Variants in FAM53B observed in about 807,000 individuals in gnomAD.
FAM53B encodes family with sequence similarity 53 member B, also known as protein FAM53B.
Under a neutral mutation model 32.7 loss-of-function variants are expected in FAM53B, and 12 were observed. That is an observed-to-expected ratio of 0.37 (90% CI 0.24 to 0.59). The LOEUF is 0.59. Ranked by LOEUF, FAM53B falls within the 20% of genes least tolerant of loss-of-function variation. The probability of loss-of-function intolerance (pLI) is 0.72; values close to 1 mark genes in which losing one functional copy is unlikely to be tolerated. For missense variants in FAM53B, 477 were observed against 577.7 expected, an observed-to-expected ratio of 0.83 and a Z score of 1.79; for synonymous variants, 234 against 228.7, an observed-to-expected ratio of 1.02 and a Z score of -0.21.
chr10:124,726,609 G>A (rs965032577), intron 1 of FAM53B, among the ~76,000 whole-genome samples: 5 of 152,230 alleles, frequency 3.3e-5, no homozygotes, highest in South Asian at 2.1e-4. Flanking sequence ...CCCAAAGGTT[G>A]ACTATGCGGT....
In FAM53B at chr10:124,623,461, G is replaced by A. The variant is rs150965015; in HGVS notation, c.1050C>T (p.Pro350=). 6.3e-4 allele frequency: 993 copies of A among 1,588,458 alleles called. 5 individuals are homozygous for A. In the East Asian group the frequency reaches 0.013, roughly 20 times the overall value. Residue 350 remains proline (P), a synonymous_variant, in exon 5 of 5, where the codon CCC becomes CCT. Transcript: ENST00000337318. The stretch of plus-strand genomic sequence containing the variant: ...GAGGCTCAGGGACCGGGGTCCCAGC[G>A]GGGGTCCTGCCCCCTGGGCCGGAGG... The part of the protein sequence containing the change: ...LSASGPGGRT[P]AGTPVPEPLP...
At chr10:124,718,683 A>T (rs1242027571) in intron 1 of FAM53B, among the ~76,000 whole-genome samples, 1 of 152,284 alleles carries the variant, frequency 6.6e-6, no homozygotes, top group Admixed American at 6.5e-5. Context: ...AACAACAGCC[A>T]TCTGTCTATT....
intron 1 of FAM53B, among the ~76,000 whole-genome samples, chr10:124,709,196 A>G (rs1949982805): frequency 6.6e-6 from 1 of 152,262 alleles, no homozygotes; most frequent in African/African-American, 2.4e-5. Context: ...TTCCATTAAC[A>G]AGGGCCTGGC....
intron 3 of FAM53B, among the ~76,000 whole-genome samples, chr10:124,687,095 G>A (rs1260897694): frequency 6.6e-6 from 1 of 152,176 alleles, no homozygotes; most frequent in Non-Finnish European, 1.5e-5. Context: ...AACAATCAAG[G>A]CTATGTTTAG....
At position 124,621,371 on chromosome 10, in the gene FAM53B, C is replaced by G. The variant is rs879493114; in HGVS notation, c.*1871G>C. Reference sequence around the variant, plus strand: ...CAGGCAGGGACAGGCCAAGATGTCTCTGTCTGCTCAGAGCCACCAGCTCTT... The same window carrying G: ...CAGGCAGGGACAGGCCAAGATGTCTGTGTCTGCTCAGAGCCACCAGCTCTT... On this transcript the variant is annotated 3_prime_UTR_variant, in exon 5 of 5. Transcript: ENST00000337318. 3.3e-5 allele frequency: 5 copies of G among 152,294 alleles called. No homozygotes were observed. The highest frequency in any genetic ancestry group is 1.3e-4 in the Admixed American group (2 of 15,286). 9.4% of individuals were successfully genotyped at this position (152,294 alleles called of 1,614,324 possible). A position where few individuals can be genotyped will look rare whatever the true frequency, so the allele number is the denominator to read the frequency against.
chr10:124,679,550 C>G (rs35645049), intron 4 of FAM53B, among the ~76,000 whole-genome samples: 41,018 of 152,230 alleles, frequency 0.27, 6,414 homozygotes, highest in South Asian at 0.39. Context: ...GAGGGCTGAC[C>G]AGGGTCTAGA....
intron 4 of FAM53B, among the ~76,000 whole-genome samples, chr10:124,626,212 C>T (rs1482109907): frequency 4.6e-5 from 7 of 152,248 alleles, no homozygotes; most frequent in East Asian, 3.8e-4. Context: ...GGAGCGCAGC[C>T]TGCGCAATCG....
At chr10:124,702,429 C>T (rs951450806) in intron 2 of FAM53B, among the ~76,000 whole-genome samples, 13 of 152,196 alleles carry the variant, frequency 8.5e-5, no homozygotes, top group African/African-American at 2.9e-4. Flanking sequence ...CATTCTGTCC[C>T]GTGGATGTCA....
At chr10:124,703,354 A>G (rs1286051990) in intron 2 of FAM53B, among the ~76,000 whole-genome samples, 8 of 152,198 alleles carry the variant, frequency 5.3e-5, no homozygotes, top group African/African-American at 1.9e-4. Context: ...GGCCGGTGCC[A>G]TACTTCTTAT....
intron 4 of FAM53B, among the ~76,000 whole-genome samples, chr10:124,643,059 TAAAGAA>T: frequency 6.6e-6 from 1 of 152,112 alleles, no homozygotes; most frequent in Middle Eastern, 3.2e-3. Context: ...GAGATGATCT[TAAAGAA>T]AGAAAAGAAA....
chr10:124,696,361 G>A, intron 2 of FAM53B, 149 bp from the exon 3 acceptor site: 1 of 726,542 alleles, frequency 1.4e-6, no homozygotes, highest in Non-Finnish European at 2.4e-6. Context: ...TATTCAAAGA[G>A]AAAACATCTG....
chr10:124,623,684 T>A (rs1331211173), intron 4 of FAM53B, 80 bp from the exon 5 acceptor site: 1 of 1,463,440 alleles, frequency 6.8e-7, no homozygotes, highest in Admixed American at 2.3e-5. Flanking sequence ...ACAAAGCAAC[T>A]AGACCACCAG....
chr10:124,681,914 C>T lies in FAM53B; in HGVS notation c.599G>A (p.Gly200Asp). 6.2e-7 allele frequency: 1 copy of T among 1,613,972 alleles called. No individual in the cohort carries two copies. The highest frequency in any genetic ancestry group is 8.5e-7 in the Non-Finnish European group (1 of 1,179,972). Residue 200 changes from glycine (G) to aspartate (D), a missense_variant, in exon 4 of 5, where the codon GGC (glycine) becomes GAC (aspartate). Coordinates refer to ENST00000337318, the MANE Select transcript of FAM53B (RefSeq NM_014661.4). ...FGGQPCQGVP[G>D]SAPCGQAGDT... is the part of the protein sequence containing the mutation. ...ACCTGCCTGTCCACACGGGGCTGAGCCTGGCACCCCTTGGCAGGGCTGCCC... is the reference window on the plus strand; with the variant it reads ...ACCTGCCTGTCCACACGGGGCTGAGTCTGGCACCCCTTGGCAGGGCTGCCC...
At chr10:124,660,489 G>C (rs192371198) in intron 4 of FAM53B, among the ~76,000 whole-genome samples, 7 of 152,124 alleles carry the variant, frequency 4.6e-5, no homozygotes, top group Non-Finnish European at 1.0e-4. Context: ...CAAGCTTCAC[G>C]AGCACTAAGT....
chr10:124,663,913 G>A (rs367773266), intron 4 of FAM53B, among the ~76,000 whole-genome samples: 3 of 152,016 alleles, frequency 2.0e-5, no homozygotes, highest in African/African-American at 4.8e-5. Flanking sequence ...CAGGTCTCCC[G>A]AGCCTGGCAC....
At chr10:124,652,473 TCA>T (rs1160236348) in intron 4 of FAM53B, among the ~76,000 whole-genome samples, 11 of 152,034 alleles carry the variant, frequency 7.2e-5, no homozygotes, top group African/African-American at 2.7e-4. Flanking sequence ...ACAGCTGCAC[TCA>T]CATCTGGTCC....
rs989161754 is a variant in FAM53B at position 124,682,980 on chromosome 10, C to G, written c.134-601G>C. Among the ~76,000 whole-genome samples the G allele has an allele frequency of 1.1e-4, 16 of 152,350 alleles. No individual in the cohort carries two copies. Among genetic ancestry groups the G allele is most frequent in the African/African-American group, 3.8e-4 (16 of 41,578 alleles). On this transcript the variant is annotated intron_variant, in intron 3 of 4. Transcript: ENST00000337318. The surrounding 1 kb of genome is among the most constrained non-coding windows in gnomAD (Gnocchi z 5.2). The stretch of plus-strand genomic sequence containing the variant: ...CTGGAACTTGTACTGATTTAGGTCA[C>G]CTCCGTCAAAATGCTCAACATCAGC...
In FAM53B at chr10:124,722,241, A is replaced by G. The variant is rs1589763890; in HGVS notation, c.-174-15354T>C. ...GTTTGAGATGTTGGAAATGCTAATC[A>G]CCCTGAGCCGATCATCATACATTAT... On this transcript the variant is annotated intron_variant, in intron 1 of 4. Coordinates refer to ENST00000337318, the MANE Select transcript of FAM53B (RefSeq NM_014661.4). 2.0e-5 allele frequency among the ~76,000 whole-genome samples: 3 copies of G among 152,276 alleles called. No homozygotes were observed. In the East Asian group the frequency reaches 5.8e-4, roughly 29 times the overall value.
At position 124,726,712 on chromosome 10, in the gene FAM53B, A is replaced by T. The variant is rs1950106111; in HGVS notation, c.-175+17301T>A. Among the ~76,000 whole-genome samples, 4 of 152,334 alleles carry T rather than the reference A, an allele frequency of 2.6e-5. No individual in the cohort carries two copies. The South Asian group carries it at 8.3e-4, about 32-fold the overall frequency. ...CAGGGTTGAGTGAAAAAGATAAATG[A>T]TAGGAGGGATTGCTATTAGATATTT... On this transcript the variant is annotated intron_variant, in intron 1 of 4. Transcript: ENST00000337318.
Sources: allele counts gnomAD v4.1 joint callset (sites outside exome capture counted in the v4.1 genomes callset), GRCh38; gene constraint gnomAD v4.1.1; non-coding constraint Gnocchi (gnomAD v3.1); transcripts MANE v1.5; gene names NCBI Gene and HGNC (gene_info 2026-07-23, HGNC 2026-07-21).